Variants in USP12 observed in about 807,000 individuals in gnomAD.
USP12 encodes the protein ubiquitin specific peptidase 12.
Under a neutral mutation model 45.5 loss-of-function variants are expected in USP12, and 19 were observed. That is an observed-to-expected ratio of 0.42 (90% CI 0.29 to 0.61). The LOEUF (loss-of-function observed/expected upper bound fraction) is 0.61. USP12 is among the 20% of genes least tolerant of loss of function. The pLI, the probability that USP12 is intolerant of heterozygous loss-of-function variation, is 0.22. For missense variants in USP12, 242 were observed against 447.7 expected (o/e 0.54, Z 4.15); for synonymous variants, 149 against 148.8 (o/e 1.00, Z -0.01).
In USP12 at chr13:27,116,768, G is replaced by A. The variant is rs533510460; in HGVS notation, c.49-172C>T. On this transcript the variant is annotated intron_variant, in intron 1 of 8. Coordinates refer to ENST00000282344, the MANE Select transcript of USP12 (RefSeq NM_182488.4). ...GTATTTTTAGCTGTACCTTTCTTACGTTTAGATATGTTCAGATGCACACTT... is the reference window on the plus strand; with the variant it reads ...GTATTTTTAGCTGTACCTTTCTTACATTTAGATATGTTCAGATGCACACTT... 2.0e-5 allele frequency among the ~76,000 whole-genome samples: 3 copies of A among 151,908 alleles called. No individual in the cohort carries two copies. The South Asian group carries it at 6.2e-4, about 32-fold the overall frequency.
chr13:27,134,498 C>G (rs1284135705), intron 1 of USP12, among the ~76,000 whole-genome samples: 1 of 152,100 alleles, frequency 6.6e-6, no homozygotes, highest in East Asian at 1.9e-4. Context: ...TCTCCCAAAT[C>G]TGTCAGAAAA....
At chr13:27,157,403 G>T (rs1489532720) in intron 1 of USP12, among the ~76,000 whole-genome samples, 1 of 152,126 alleles carries the variant, frequency 6.6e-6, no homozygotes, top group African/African-American at 2.4e-5. Context: ...AAAAGTGGAT[G>T]TTCTAGGTAT....
intron 1 of USP12, among the ~76,000 whole-genome samples, chr13:27,122,774 T>C (rs550947389): frequency 1.3e-5 from 2 of 152,312 alleles, no homozygotes; most frequent in African/African-American, 4.8e-5. Flanking sequence ...TGTAAGGTTA[T>C]TAATGAAAAC....
chr13:27,167,060 C>G (rs1878378980), intron 1 of USP12, among the ~76,000 whole-genome samples: 1 of 152,066 alleles, frequency 6.6e-6, no homozygotes, highest in South Asian at 2.1e-4. Context: ...AAAATATGCT[C>G]TGGCCAGCCT....
chr13:27,169,515 T>C (rs1185819566), intron 1 of USP12, among the ~76,000 whole-genome samples: 2 of 152,212 alleles, frequency 1.3e-5, no homozygotes, highest in African/African-American at 2.4e-5. Context: ...TATTCAAATA[T>C]GAATACAGAC....
chr13:27,128,184 C>T (rs975284772), intron 1 of USP12, among the ~76,000 whole-genome samples: 2 of 152,066 alleles, frequency 1.3e-5, no homozygotes, highest in African/African-American at 2.4e-5. Context: ...AATAAACGAA[C>T]GAAAAACAAG....
At chr13:27,160,991 C>A (rs142587104) in intron 1 of USP12, among the ~76,000 whole-genome samples, 1 of 152,068 alleles carries the variant, frequency 6.6e-6, no homozygotes, top group African/African-American at 2.4e-5. Context: ...TTCCCCTCCA[C>A]AAAGCGTCAT....
chr13:27,147,602 A>G (rs1371111704), intron 1 of USP12, among the ~76,000 whole-genome samples: 1 of 152,214 alleles, frequency 6.6e-6, no homozygotes, highest in Non-Finnish European at 1.5e-5. Context: ...AAGACACTTG[A>G]TAATAAAAAT....
intron 4 of USP12, among the ~76,000 whole-genome samples, chr13:27,093,026 G>A (rs1874388049): frequency 6.6e-6 from 1 of 152,056 alleles, no homozygotes; most frequent in South Asian, 2.1e-4. Context: ...GAGAAACCCT[G>A]TCTCTATTAA....
chr13:27,112,913 C>A (rs1243813724), intron 2 of USP12, among the ~76,000 whole-genome samples: 1 of 152,142 alleles, frequency 6.6e-6, no homozygotes, highest in Non-Finnish European at 1.5e-5. Context: ...TAGTTTTAAC[C>A]ACCATAATGT....
chr13:27,171,101 C>G (rs997590398), intron 1 of USP12, among the ~76,000 whole-genome samples: 1 of 151,284 alleles, frequency 6.6e-6, no homozygotes, highest in African/African-American at 2.4e-5. Context: ...CCACCCCTCC[C>G]GGGGACCCCT....
intron 1 of USP12, among the ~76,000 whole-genome samples, chr13:27,168,679 C>A (rs58819148): frequency 6.6e-6 from 1 of 152,052 alleles, no homozygotes. Context: ...GTACTCACTG[C>A]AATCTAAACA....
chr13:27,147,376 A>C (rs1877355580), intron 1 of USP12, among the ~76,000 whole-genome samples: 1 of 152,200 alleles, frequency 6.6e-6, no homozygotes. Flanking sequence ...GTAATATTTA[A>C]GTATAGTAAT....
rs1024400804 is a variant in USP12, at chr13:27,066,581, T to C, written c.*2702A>G. ...TTCCCTCTTTCCCTGTTCCCAAGCC[T>C]CCTGGTTCCTGTCTTAAATAATCTT... On this transcript the variant is annotated 3_prime_UTR_variant, in exon 9 of 9. Transcript: ENST00000282344. The C allele has an allele frequency of 6.6e-6, 1 of 152,172 alleles. No homozygotes were observed. The highest frequency in any genetic ancestry group is 1.5e-5 in the Non-Finnish European group (1 of 68,036). 9.4% of individuals were successfully genotyped at this position (152,172 alleles called of 1,614,324 possible). A position where few individuals can be genotyped will look rare whatever the true frequency, so the allele number is the denominator to read the frequency against.
chr13:27,153,902 T>G (rs1221933445), intron 1 of USP12, among the ~76,000 whole-genome samples: 1 of 152,228 alleles, frequency 6.6e-6, no homozygotes, highest in Non-Finnish European at 1.5e-5. Context: ...AGGCTCTATG[T>G]TTCATCCTAT....
chr13:27,106,205 C>A (rs763283999), intron 2 of USP12, among the ~76,000 whole-genome samples: 10 of 152,040 alleles, frequency 6.6e-5, no homozygotes, highest in Non-Finnish European at 1.5e-4. Flanking sequence ...ACAAGATCCC[C>A]TGAAACGTTA....
intron 1 of USP12, among the ~76,000 whole-genome samples, chr13:27,152,787 A>ATCCTGGTTAACACGGTG (rs1877633205): frequency 6.6e-6 from 1 of 151,904 alleles, no homozygotes; most frequent in African/African-American, 2.4e-5. Context: ...CTAAAAATAC[A>ATCCTGGTTAACACGGTG]AAAAATTAGC....
chr13:27,155,041 T>G (rs1877754524), intron 1 of USP12, among the ~76,000 whole-genome samples: 1 of 130,758 alleles, frequency 7.6e-6, no homozygotes, highest in Non-Finnish European at 1.6e-5. Flanking sequence ...CCTCCACAAC[T>G]TTTTTTTTTT....
intron 4 of USP12, among the ~76,000 whole-genome samples, chr13:27,091,757 G>GA (rs1406263027): frequency 2.0e-5 from 3 of 152,108 alleles, no homozygotes; most frequent in Non-Finnish European, 4.4e-5. Context: ...TTAAAGAATG[G>GA]AAAAAGAGAA....
Sources: gnomAD v4.1 joint callset for allele counts (sites outside exome capture counted in the v4.1 genomes callset) on GRCh38, gnomAD v4.1.1 for gene constraint, MANE v1.5 for transcripts, NCBI Gene and HGNC (gene_info 2026-07-23, HGNC 2026-07-21) for gene names.